The following CPED1 variants were observed in gnomAD, a reference collection of about 807,000 sequenced individuals.
The protein encoded by CPED1 is cadherin-like and PC-esterase domain-containing protein 1.
In CPED1, 114 loss-of-function variants were observed where a neutral mutation model predicts 128.2. The observed-to-expected ratio is 0.89, with a 90% CI of 0.76 to 1.04. The LOEUF (loss-of-function observed/expected upper bound fraction) is 1.04, where lower values mean the gene tolerates loss of function less well. Ranked by LOEUF, CPED1 falls within the 50% of genes least tolerant of loss-of-function variation. The probability of loss-of-function intolerance (pLI) is 0.00; values close to 1 mark genes in which losing one functional copy is unlikely to be tolerated. For synonymous variants in CPED1, 462 were observed against 426.7 expected (o/e 1.08, Z -1.02); for missense variants, 1,211 against 1,207.1 (o/e 1.00, Z -0.05).
chr7:121,177,474 G>T (rs1796808423), intron 16 of CPED1, among the ~76,000 whole-genome samples: 1 of 152,004 alleles, frequency 6.6e-6, no homozygotes, highest in Non-Finnish European at 1.5e-5. Flanking sequence ...AGCAGAAAAT[G>T]TGGATTTTAT....
intron 11 of CPED1, among the ~76,000 whole-genome samples, 157 bp from the exon 12 acceptor site, chr7:121,129,968 A>G (rs1280015542): frequency 3.3e-5 from 5 of 152,106 alleles, no homozygotes; most frequent in South Asian, 2.1e-4. Flanking sequence ...TGGCATTTAC[A>G]TCAACAACTT....
intron 18 of CPED1, among the ~76,000 whole-genome samples, chr7:121,254,099 A>G (rs949966291): frequency 2.6e-5 from 4 of 151,602 alleles, no homozygotes; most frequent in African/African-American, 9.7e-5. Flanking sequence ...CAACAACCAC[A>G]GAATATATAG....
At chr7:121,064,880 A>G (rs1380736206) in intron 5 of CPED1, among the ~76,000 whole-genome samples, 1 of 152,220 alleles carries the variant, frequency 6.6e-6, no homozygotes, top group African/African-American at 2.4e-5. Flanking sequence ...CATAGATGAA[A>G]TAAGCCCTCA....
intron 7 of CPED1, among the ~76,000 whole-genome samples, chr7:121,101,981 C>T (rs1315295635): frequency 2.6e-5 from 4 of 152,106 alleles, no homozygotes; most frequent in South Asian, 2.1e-4. Flanking sequence ...ATCCTTCTTA[C>T]GCTATAGCTT....
chr7:121,217,988 A>ATTT (rs35530961), intron 16 of CPED1, among the ~76,000 whole-genome samples: 3 of 144,012 alleles, frequency 2.1e-5, no homozygotes, highest in Non-Finnish European at 4.5e-5. Flanking sequence ...GTTTTTGCCA[A>ATTT]TTTTTTTTTT....
chr7:121,261,634 G>C lies in CPED1; in HGVS notation c.2311-4593G>C, dbSNP rs771894957. The C allele has an allele frequency of 1.9e-6, 3 of 1,610,416 alleles. No homozygotes were observed. The South Asian group carries it at 3.3e-5, about 18-fold the overall frequency. On this transcript the variant is annotated intron_variant, in intron 18 of 22. Coordinates refer to ENST00000310396, the MANE Select transcript of CPED1 (RefSeq NM_024913.5). ...AGCTTCTTTTTTCCTTCCTTCAGTT[G>C]GGTGTCGATGTCCAGAGAGTTCCTA...
intron 16 of CPED1, among the ~76,000 whole-genome samples, chr7:121,228,980 ATGAG>A (rs1409421277): frequency 6.6e-6 from 1 of 152,000 alleles, no homozygotes; most frequent in African/African-American, 2.4e-5. Flanking sequence ...TCTGGAAAGA[ATGAG>A]TGGGGGTAAG....
At position 121,296,035 on chromosome 7, in the gene CPED1, G is replaced by T. The variant is rs1005838311; in HGVS notation, c.*383G>T. The T allele has an allele frequency of 6.3e-6, 1 of 159,810 alleles. No homozygotes were observed. The highest frequency in any genetic ancestry group is 1.4e-5 in the Non-Finnish European group (1 of 72,772). The allele number at this position is 159,810 out of a possible 1,614,324, so 9.9% of individuals were successfully genotyped here. ...TTCATGTTGTCTTACCATATCTATAGGTACATCAATATTGAAAAGGAGAAA... is the reference window on the plus strand; with the variant it reads ...TTCATGTTGTCTTACCATATCTATATGTACATCAATATTGAAAAGGAGAAA... On this transcript the variant is annotated 3_prime_UTR_variant, in exon 23 of 23. Transcript: ENST00000310396.
intron 5 of CPED1, among the ~76,000 whole-genome samples, chr7:121,067,899 G>A (rs1221835957): frequency 2.6e-5 from 4 of 152,164 alleles, no homozygotes. Context: ...TGTTTTGGCT[G>A]CATAAATGTC....
intron 22 of CPED1, among the ~76,000 whole-genome samples, chr7:121,275,681 C>T (rs1045724832): frequency 6.6e-6 from 1 of 152,076 alleles, no homozygotes; most frequent in East Asian, 1.9e-4. Flanking sequence ...CATCAAACTA[C>T]CACTAATACC....
intron 16 of CPED1, among the ~76,000 whole-genome samples, chr7:121,166,136 C>A (rs28391698): frequency 1.5e-4 from 22 of 150,770 alleles, no homozygotes; most frequent in Admixed American, 3.3e-4. Context: ...CAAAAAAAAA[C>A]AAAAAAAAAA....
chr7:121,294,979 T>A lies in CPED1; in HGVS notation c.2869-461T>A, dbSNP rs1792793890. Among the ~76,000 whole-genome samples the A allele has an allele frequency of 2.6e-5, 4 of 152,070 alleles. No individual in the cohort carries two copies. The South Asian group carries it at 8.3e-4, about 32-fold the overall frequency. ...CTTATAAGTCTGCAATGGAAAAAAA[T>A]TTTTTCTTTTCTCTGAAAATAGTTT... On this transcript the variant is annotated intron_variant, in intron 22 of 22. Transcript: ENST00000310396.
chr7:121,008,241 G>C (rs1373674979), intron 2 of CPED1, among the ~76,000 whole-genome samples: 1 of 152,024 alleles, frequency 6.6e-6, no homozygotes, highest in African/African-American at 2.4e-5. Flanking sequence ...TCGGACCTAC[G>C]TATAAAGACC....
At chr7:121,179,569 C>A (rs768582169) in intron 16 of CPED1, among the ~76,000 whole-genome samples, 5 of 151,922 alleles carry the variant, frequency 3.3e-5, no homozygotes, top group Non-Finnish European at 7.4e-5. Context: ...TACCTTTAAG[C>A]CTTTAATTAT....
Position 121,093,446 on chromosome 7 carries a change from C to G in CPED1, c.617-4253C>G, listed in dbSNP as rs887448040. On this transcript the variant is annotated intron_variant, in intron 5 of 22. Coordinates refer to ENST00000310396, the MANE Select transcript of CPED1 (RefSeq NM_024913.5). ...CACACACAGTTGTTTGTTTGTTTCT[C>G]CAGGACTTGTGGCTACTGAGAAGAC... Among the ~76,000 whole-genome samples, 9 of 132,208 alleles carry G rather than the reference C, an allele frequency of 6.8e-5. No individual in the cohort carries two copies. In the Admixed American group the frequency reaches 7.3e-4, roughly 11 times the overall value. 86.7% of individuals were successfully genotyped at this position (132,208 alleles called of 152,430 possible). A position where few individuals can be genotyped will look rare whatever the true frequency, so the allele number is the denominator to read the frequency against.
chr7:121,091,216 T>A (rs1794565984), intron 5 of CPED1, among the ~76,000 whole-genome samples: 1 of 152,148 alleles, frequency 6.6e-6, no homozygotes, highest in Non-Finnish European at 1.5e-5. Context: ...CTAGGTTTAC[T>A]CCATCCATAG....
At chr7:121,107,446 T>C (rs1795005277) in intron 7 of CPED1, among the ~76,000 whole-genome samples, 1 of 152,116 alleles carries the variant, frequency 6.6e-6, no homozygotes, top group African/African-American at 2.4e-5. Context: ...TTTATTTATG[T>C]AGGAAACAAA....
At chr7:121,082,641 A>G (rs770918564) in intron 5 of CPED1, among the ~76,000 whole-genome samples, 16 of 152,192 alleles carry the variant, frequency 1.1e-4, no homozygotes, top group East Asian at 3.8e-4. Flanking sequence ...TAAACCATCT[A>G]TAGGATAACC....
chr7:121,140,918 C>G lies in CPED1; in HGVS notation c.1791C>G (p.Tyr597Ter). 6.2e-7 allele frequency: 1 copy of G among 1,612,388 alleles called. No individual in the cohort carries two copies. Residue 597 changes from tyrosine (Y) to a stop codon, truncating the protein, a stop_gained, in exon 15 of 23, where the codon TAC becomes TAG. Coordinates refer to ENST00000310396, the MANE Select transcript of CPED1 (RefSeq NM_024913.5). LOFTEE classifies it high-confidence loss of function. ...TTCATCCAAAGATCAAAGATTATTA[C>G]TGTGAAGTCCCATTTGATGTGGTAA... ...PDFHPKIKDYYCEVPFDVVTV... is the reference protein window; with the variant it reads ...PDFHPKIKDY
Sources: allele counts gnomAD v4.1 joint callset (sites outside exome capture counted in the v4.1 genomes callset), GRCh38; gene constraint gnomAD v4.1.1; transcripts MANE v1.5; gene names NCBI Gene and HGNC (gene_info 2026-07-23, HGNC 2026-07-21).